Variants in KALRN observed in about 807,000 individuals in gnomAD.
The protein encoded by KALRN is kalirin RhoGEF kinase, also known as kalirin.
KALRN carries 70 observed loss-of-function variants against 353.7 expected under a neutral mutation model. The ratio of observed to expected loss-of-function variants is 0.20; its 90% CI spans 0.16 to 0.24. The LOEUF (loss-of-function observed/expected upper bound fraction) is 0.24. Ranked by LOEUF, KALRN falls within the 10% of genes least tolerant of loss-of-function variation. KALRN has a pLI of 1.00. For missense variants in KALRN, 2,791 were observed against 3,756.7 expected, an observed-to-expected ratio of 0.74 and a Z score of 6.72; for synonymous variants, 1,391 against 1,434.8, an observed-to-expected ratio of 0.97 and a Z score of 0.69.
intron 1 of KALRN, among the ~76,000 whole-genome samples, chr3:124,226,244 T>C (rs1414574613): frequency 6.6e-6 from 1 of 152,222 alleles, no homozygotes; most frequent in Non-Finnish European, 1.5e-5. Context: ...GTAAATTCTG[T>C]AATAATTTAT....
chr3:124,642,909 C>T (rs1408022164), intron 37 of KALRN, among the ~76,000 whole-genome samples: 4 of 150,086 alleles, frequency 2.7e-5, no homozygotes, highest in Admixed American at 1.3e-4. Flanking sequence ...CTCCGCCTCC[C>T]GGGTTCAAGC....
chr3:124,277,468 T>C (rs1020619178), intron 5 of KALRN, among the ~76,000 whole-genome samples: 3 of 152,208 alleles, frequency 2.0e-5, no homozygotes, highest in Non-Finnish European at 4.4e-5. Flanking sequence ...CTGCTGGTCC[T>C]GGGAATTTCG....
intron 47 of KALRN, 59 bp downstream of exon 47, chr3:124,667,242 C>T: frequency 6.8e-7 from 1 of 1,469,014 alleles, no homozygotes; most frequent in Non-Finnish European, 9.3e-7. Flanking sequence ...GACCTCTGAG[C>T]TTCCTTGGGT....
intron 5 of KALRN, among the ~76,000 whole-genome samples, chr3:124,293,013 C>A (rs1045594508): frequency 6.6e-6 from 1 of 152,174 alleles, no homozygotes; most frequent in Non-Finnish European, 1.5e-5. Context: ...CTGTTCCTTG[C>A]GCTCTAACAC....
intron 51 of KALRN, among the ~76,000 whole-genome samples, chr3:124,689,010 G>A (rs1327556936): frequency 6.6e-6 from 1 of 152,156 alleles, no homozygotes; most frequent in African/African-American, 2.4e-5. Flanking sequence ...GGGAGGAAGC[G>A]CTGCCACCTG....
In KALRN at chr3:124,718,662, C is replaced by T. The variant is rs139465893; in HGVS notation, c.8416-263C>T. The stretch of plus-strand genomic sequence containing the variant: ...AATTTATTATTTCCTTGATTCAATG[C>T]AGAAGCAGTGTAGTTAAGAAAACAT... On this transcript the variant is annotated intron_variant, in intron 59 of 59. Transcript: ENST00000682506. Among the ~76,000 whole-genome samples, 288 of 152,284 alleles carry T rather than the reference C, an allele frequency of 1.9e-3. 2 individuals are homozygous for T. The highest frequency in any genetic ancestry group is 6.8e-3 in the African/African-American group (283 of 41,556).
chr3:124,454,877 G>A (rs957968343), intron 21 of KALRN, among the ~76,000 whole-genome samples: 1 of 152,174 alleles, frequency 6.6e-6, no homozygotes, highest in African/African-American at 2.4e-5. Context: ...TGTTATATAA[G>A]GAACTTGCAT....
chr3:124,291,895 A>G (rs1177314714), intron 5 of KALRN, among the ~76,000 whole-genome samples: 2 of 152,198 alleles, frequency 1.3e-5, no homozygotes, highest in Non-Finnish European at 2.9e-5. Flanking sequence ...TTCAAGAGAT[A>G]TTTATTACAC....
rs1407183798 is a variant in KALRN at position 124,230,430 on chromosome 3, C to T, written c.148+2366C>T. ...CATCAGTTTGGGGCATATGCATGCA[C>T]AATACACTCTGACATGGAGACCCTT... is the stretch of plus-strand genomic sequence containing the variant. On this transcript the variant is annotated intron_variant, in intron 2 of 59. Transcript: ENST00000682506. Among the ~76,000 whole-genome samples the T allele has an allele frequency of 3.3e-5, 5 of 152,160 alleles. 1 individual carries two copies. The South Asian group carries it at 8.3e-4, about 25-fold the overall frequency.
Position 124,720,287 on chromosome 3 carries a change from A to G in KALRN, c.*817A>G, listed in dbSNP as rs2063328896. The G allele has an allele frequency of 6.6e-6, 1 of 152,670 alleles. No individual in the cohort carries two copies. Among genetic ancestry groups the G allele is most frequent in the African/African-American group, 2.4e-5 (1 of 41,466 alleles). 9.5% of individuals were successfully genotyped at this position (152,670 alleles called of 1,614,324 possible). A position where few individuals can be genotyped will look rare whatever the true frequency, so the allele number is the denominator to read the frequency against. ...ACTGGCAGCTCAGAATTATTCTGGA[A>G]AGAAAGCCTGCCAGGAAATAAATTC... On this transcript the variant is annotated 3_prime_UTR_variant, in exon 60 of 60. Coordinates refer to ENST00000682506, the MANE Select transcript of KALRN (RefSeq NM_001388419.1).
At chr3:124,205,171 T>G (rs2076306257) in intron 1 of KALRN, among the ~76,000 whole-genome samples, 1 of 152,202 alleles carries the variant, frequency 6.6e-6, no homozygotes, top group South Asian at 2.1e-4. Context: ...AAAGCCCTGG[T>G]TGTGGTGTTT....
intron 33 of KALRN, among the ~76,000 whole-genome samples, chr3:124,533,546 G>A (rs542087504): frequency 8.5e-5 from 13 of 152,192 alleles, no homozygotes; most frequent in Non-Finnish European, 1.8e-4. Flanking sequence ...TCAGGAGGCT[G>A]AGATGGGAAG....
chr3:124,406,248 C>T (rs2091524971), intron 13 of KALRN, among the ~76,000 whole-genome samples: 1 of 152,254 alleles, frequency 6.6e-6, no homozygotes, highest in East Asian at 1.9e-4. Flanking sequence ...ATTACTAAAA[C>T]AGGGAAATGC....
chr3:124,315,998 C>T (rs2078765792), intron 6 of KALRN, among the ~76,000 whole-genome samples: 1 of 152,078 alleles, frequency 6.6e-6, no homozygotes, highest in South Asian at 2.1e-4. Context: ...GAGACGTTTG[C>T]AAGTCAGGAA....
At chr3:124,123,957 A>G (rs533718711) in intron 1 of KALRN, among the ~76,000 whole-genome samples, 2 of 152,370 alleles carry the variant, frequency 1.3e-5, no homozygotes, top group East Asian at 3.9e-4. Flanking sequence ...ATGGAGATGT[A>G]CAAGGAGATA....
At chr3:124,622,709 G>C (rs1490196876) in intron 34 of KALRN, among the ~76,000 whole-genome samples, 1 of 152,172 alleles carries the variant, frequency 6.6e-6, no homozygotes, top group Non-Finnish European at 1.5e-5. Flanking sequence ...TTCTGTCTGG[G>C]AATTGTAGTC....
chr3:124,678,398 G>T (rs2150448886), intron 50 of KALRN, 85 bp downstream of exon 50: 2 of 1,489,476 alleles, frequency 1.3e-6, no homozygotes, highest in Non-Finnish European at 1.8e-6. Flanking sequence ...TGGGTGGATG[G>T]GTTATTTTTT....
intron 10 of KALRN, among the ~76,000 whole-genome samples, chr3:124,350,261 G>A (rs746722819): frequency 1.3e-4 from 20 of 152,118 alleles, no homozygotes; most frequent in Admixed American, 2.6e-4. Flanking sequence ...TTTCACATGG[G>A]ACAATGCCTT....
chr3:124,536,001 C>T (rs1393147878), intron 33 of KALRN, among the ~76,000 whole-genome samples: 1 of 152,072 alleles, frequency 6.6e-6, no homozygotes, highest in Non-Finnish European at 1.5e-5. Context: ...ACCATTGCAA[C>T]AAACACTAAG....
Sources: gnomAD v4.1 joint callset for allele counts (sites outside exome capture counted in the v4.1 genomes callset) on GRCh38, gnomAD v4.1.1 for gene constraint, MANE v1.5 for transcripts, NCBI Gene and HGNC (gene_info 2026-07-23, HGNC 2026-07-21) for gene names.